The following FRMD3 variants were observed in gnomAD, a reference collection of about 807,000 sequenced individuals.
The protein encoded by FRMD3 is FERM domain containing 3, also known as FERM domain-containing protein 3.
FRMD3 carries 33 observed loss-of-function variants against 70.2 expected under a neutral mutation model. The observed-to-expected ratio is 0.47, with a 90% confidence interval of 0.36 to 0.63. The LOEUF (loss-of-function observed/expected upper bound fraction) is 0.63, where lower values mean the gene tolerates loss of function less well. Ranked by LOEUF, FRMD3 falls within the 20% of genes least tolerant of loss-of-function variation. The pLI is 0.00. For synonymous variants in FRMD3, 279 were observed against 255.9 expected (o/e 1.09, Z -0.86); for missense variants, 632 against 711.4 (o/e 0.89, Z 1.27).
At chr9:83,382,808 G>A (rs1825396879) in intron 2 of FRMD3, among the ~76,000 whole-genome samples, 1 of 152,164 alleles carries the variant, frequency 6.6e-6, no homozygotes, top group South Asian at 2.1e-4. Context: ...TTGAAGTCAT[G>A]AAAGACTTCA....
the FRMD3 span, among the ~76,000 whole-genome samples, chr9:83,553,091 G>A: frequency 2.6e-5 from 4 of 152,216 alleles, no homozygotes; most frequent in East Asian, 7.7e-4. Flanking sequence ...TGGTCTGTAT[G>A]TTTTTGTATT....
chr9:83,386,789 G>A (rs1234598813), intron 2 of FRMD3, among the ~76,000 whole-genome samples: 1 of 152,140 alleles, frequency 6.6e-6, no homozygotes, highest in African/African-American at 2.4e-5. Flanking sequence ...TCCAATCTCT[G>A]ACTGTGAATC....
At chr9:83,371,640 A>T (rs1157502020) in intron 3 of FRMD3, among the ~76,000 whole-genome samples, 1 of 152,148 alleles carries the variant, frequency 6.6e-6, no homozygotes, top group East Asian at 1.9e-4. Flanking sequence ...TGCACATCCC[A>T]ACTCTCTTCC....
intron 3 of FRMD3, among the ~76,000 whole-genome samples, chr9:83,369,725 AAG>A (rs1368852559): frequency 6.6e-6 from 1 of 152,118 alleles, no homozygotes; most frequent in African/African-American, 2.4e-5. Context: ...AAAAAATAAC[AAG>A]ATGAAGAAAA....
intron 2 of FRMD3, among the ~76,000 whole-genome samples, chr9:83,385,293 C>T (rs1425805510): frequency 6.6e-6 from 1 of 152,098 alleles, no homozygotes; most frequent in Non-Finnish European, 1.5e-5. Flanking sequence ...GAATACCACC[C>T]ACTTTTTCCC....
chr9:83,580,019 C>T, the FRMD3 span, among the ~76,000 whole-genome samples: 1 of 151,942 alleles, frequency 6.6e-6, no homozygotes, highest in Non-Finnish European at 1.5e-5. Context: ...GCCAACAGGG[C>T]CATGAAGAAA....
At chr9:83,476,505 A>G (rs1466176557) in intron 1 of FRMD3, among the ~76,000 whole-genome samples, 4 of 152,342 alleles carry the variant, frequency 2.6e-5, no homozygotes, top group Non-Finnish European at 5.9e-5. Context: ...TTGTCCCAGA[A>G]TAGTTTGGGT....
chr9:83,459,234 C>T (rs1304447766), intron 1 of FRMD3, among the ~76,000 whole-genome samples: 1 of 152,164 alleles, frequency 6.6e-6, no homozygotes, highest in Non-Finnish European at 1.5e-5. Context: ...TCCACTGACA[C>T]TCCCTAGAAC....
At chr9:83,523,886 G>A (rs1213398537) in intron 1 of FRMD3, among the ~76,000 whole-genome samples, 3 of 152,166 alleles carry the variant, frequency 2.0e-5, no homozygotes, top group Non-Finnish European at 4.4e-5. Context: ...CTTGTGTCAG[G>A]ATGACCCTCA....
the FRMD3 span, among the ~76,000 whole-genome samples, chr9:83,566,603 T>C: frequency 6.6e-6 from 1 of 152,154 alleles, no homozygotes; most frequent in African/African-American, 2.4e-5. Context: ...ACTTCCTAGA[T>C]ACAATGGGGG....
chr9:83,523,671 TTGTC>T (rs1462785100), intron 1 of FRMD3, among the ~76,000 whole-genome samples: 2 of 152,338 alleles, frequency 1.3e-5, no homozygotes, highest in Non-Finnish European at 1.5e-5. Context: ...AAAATCTGCT[TTGTC>T]TGTCTAACTT....
intron 1 of FRMD3, among the ~76,000 whole-genome samples, chr9:83,452,480 TTG>T (rs1491203279): frequency 8.2e-5 from 11 of 133,440 alleles, no homozygotes; most frequent in Non-Finnish European, 1.5e-4. Context: ...GTTGTTTTTT[TTG>T]TTGTTGTTGT....
At chr9:83,345,514 T>C (rs888101028) in intron 4 of FRMD3, among the ~76,000 whole-genome samples, 1 of 152,106 alleles carries the variant, frequency 6.6e-6, no homozygotes, top group African/African-American at 2.4e-5. Context: ...TCCCAGCAAT[T>C]TGGGAGGCCG....
intron 1 of FRMD3, among the ~76,000 whole-genome samples, chr9:83,394,799 CA>C (rs1351430329): frequency 6.6e-6 from 1 of 152,162 alleles, no homozygotes; most frequent in African/African-American, 2.4e-5. Flanking sequence ...CTCTCCTCCC[CA>C]CCCCAAAGTA....
At chr9:83,487,331 T>C (rs981004235) in intron 1 of FRMD3, among the ~76,000 whole-genome samples, 3 of 152,178 alleles carry the variant, frequency 2.0e-5, no homozygotes, top group African/African-American at 7.2e-5. Context: ...ACCAAGAGTT[T>C]ACCACCTCTC....
intron 3 of FRMD3, among the ~76,000 whole-genome samples, chr9:83,357,760 T>C (rs575943954): frequency 2.0e-5 from 3 of 152,184 alleles, no homozygotes; most frequent in Admixed American, 1.3e-4. Context: ...AGCCCACTTT[T>C]TGATGGGATT....
intron 1 of FRMD3, among the ~76,000 whole-genome samples, chr9:83,517,225 C>T (rs919707953): frequency 6.6e-6 from 1 of 151,770 alleles, no homozygotes; most frequent in Non-Finnish European, 1.5e-5. Flanking sequence ...AGACCACTAG[C>T]CAGGCTAATA....
intron 1 of FRMD3, among the ~76,000 whole-genome samples, chr9:83,422,649 G>A (rs1040328938): frequency 1.3e-5 from 2 of 152,068 alleles, no homozygotes; most frequent in Non-Finnish European, 2.9e-5. Context: ...TGGGAGGGAG[G>A]GACAAATGAT....
chr9:83,547,674 C>G, the FRMD3 span, among the ~76,000 whole-genome samples: 1 of 152,120 alleles, frequency 6.6e-6, no homozygotes, highest in Non-Finnish European at 1.5e-5. Flanking sequence ...AAATCAGACT[C>G]TAGATTAAAT....
Sources: allele counts gnomAD v4.1 joint callset (sites outside exome capture counted in the v4.1 genomes callset), GRCh38; gene constraint gnomAD v4.1.1; transcripts MANE v1.5; gene names NCBI Gene and HGNC (gene_info 2026-07-23, HGNC 2026-07-21).